Variants in DPP6 observed in about 807,000 individuals in gnomAD.
The protein encoded by DPP6 is dipeptidyl peptidase like 6.
Under a neutral mutation model 122.6 loss-of-function variants are expected in DPP6, and 69 were observed. The observed-to-expected ratio is 0.56, with a 90% CI of 0.46 to 0.69. DPP6 has a LOEUF of 0.69. Among genes scored for constraint, DPP6 ranks in the 30% least tolerant of loss-of-function variants. The probability of loss-of-function intolerance (pLI) is 0.00; values close to 1 mark genes in which losing one functional copy is unlikely to be tolerated. For missense variants in DPP6, 928 were observed against 1,116.9 expected, an observed-to-expected ratio of 0.83 and a Z score of 2.41; for synonymous variants, 418 against 433.1, an observed-to-expected ratio of 0.97 and a Z score of 0.43.
At chr7:153,949,289 A>G (rs1277010096) in intron 1 of DPP6, among the ~76,000 whole-genome samples, 4 of 152,242 alleles carry the variant, frequency 2.6e-5, no homozygotes, top group East Asian at 1.9e-4. Flanking sequence ...GCCTGGTAGC[A>G]TAGGCCCCGT....
At chr7:154,066,268 C>G (rs1345304106) in intron 1 of DPP6, among the ~76,000 whole-genome samples, 1 of 152,080 alleles carries the variant, frequency 6.6e-6, no homozygotes, top group Admixed American at 6.6e-5. Flanking sequence ...CTATGTTGGC[C>G]AGGCTGGTGT....
At chr7:154,158,203 G>A (rs3102258) in intron 1 of DPP6, among the ~76,000 whole-genome samples, 123,675 of 149,036 alleles carry the variant, frequency 0.83, 51,650 homozygotes, top group East Asian at 0.98. Flanking sequence ...TACAAAGACT[G>A]TTAATTTAGA....
chr7:154,538,103 G>A (rs1267348756), intron 3 of DPP6, among the ~76,000 whole-genome samples: 2 of 151,904 alleles, frequency 1.3e-5, no homozygotes, highest in Non-Finnish European at 2.9e-5. Context: ...ACTGTTAAAA[G>A]TACCGGAATG....
chr7:154,641,113 C>T (rs1836058052), intron 6 of DPP6, among the ~76,000 whole-genome samples: 1 of 152,166 alleles, frequency 6.6e-6, no homozygotes, highest in Non-Finnish European at 1.5e-5. Context: ...ACTCCCCAGT[C>T]CCCGCTGTTA....
At chr7:154,439,631 A>C (rs1819189549) in intron 1 of DPP6, among the ~76,000 whole-genome samples, 1 of 152,222 alleles carries the variant, frequency 6.6e-6, no homozygotes, top group Non-Finnish European at 1.5e-5. Flanking sequence ...ATTTGCAGGT[A>C]AAAATAATCA....
At chr7:154,289,558 T>C (rs904812062) in intron 1 of DPP6, among the ~76,000 whole-genome samples, 2 of 152,154 alleles carry the variant, frequency 1.3e-5, no homozygotes. Context: ...GTCAGGAATA[T>C]AGCAGTGAAC....
chr7:153,802,453 T>G, the DPP6 span, among the ~76,000 whole-genome samples: 1 of 152,148 alleles, frequency 6.6e-6, no homozygotes, highest in Non-Finnish European at 1.5e-5. Context: ...AAGAATTCTG[T>G]CTGTATTCCA....
chr7:154,181,168 T>A (rs1585568063), intron 1 of DPP6, among the ~76,000 whole-genome samples: 1 of 152,220 alleles, frequency 6.6e-6, no homozygotes, highest in Non-Finnish European at 1.5e-5. Flanking sequence ...TGCATTTCAA[T>A]GCCCAAACAC....
chr7:154,192,356 C>T (rs1180291681), intron 1 of DPP6, among the ~76,000 whole-genome samples: 2 of 152,226 alleles, frequency 1.3e-5, no homozygotes, highest in African/African-American at 4.8e-5. Context: ...AAATGTGATC[C>T]CTACTACAAT....
chr7:154,782,756 CTTGGGAGTTTGCATTTCT>C (rs1357451799), intron 10 of DPP6, among the ~76,000 whole-genome samples: 1 of 151,948 alleles, frequency 6.6e-6, no homozygotes, highest in African/African-American at 2.4e-5. Context: ...TAGGGTGAGG[CTTGGGAGTTTGCATTTCT>C]TTTTCTTTTT....
In DPP6 at chr7:154,121,573, T is replaced by C. The variant is rs574235246; in HGVS notation, c.243+68510T>C. Among the ~76,000 whole-genome samples the C allele has an allele frequency of 4.6e-5, 7 of 152,374 alleles. No individual in the cohort carries two copies. The East Asian group carries it at 1.2e-3, about 25-fold the overall frequency. ...GGTGTTTAATTTCCAAATATTCTTG[T>C]GTATTTTCCAGTTTTCCATCTGTTA... On this transcript the variant is annotated intron_variant, in intron 1 of 25. Transcript: ENST00000377770.
intron 8 of DPP6, among the ~76,000 whole-genome samples, chr7:154,754,179 G>A (rs1033231705): frequency 2.0e-5 from 3 of 152,152 alleles, no homozygotes; most frequent in African/African-American, 7.2e-5. Context: ...CAGGATTTTC[G>A]TTGAAACTGT....
the DPP6 span, among the ~76,000 whole-genome samples, chr7:153,841,621 C>T: frequency 1.3e-5 from 2 of 152,266 alleles, no homozygotes; most frequent in East Asian, 1.9e-4. Context: ...TGGTTTTGCC[C>T]ATATTTTAAA....
At chr7:154,221,877 A>C (rs958574428) in intron 1 of DPP6, among the ~76,000 whole-genome samples, 1 of 152,210 alleles carries the variant, frequency 6.6e-6, no homozygotes, top group African/African-American at 2.4e-5. Context: ...TTTAAATATA[A>C]CACTTTTGCA....
At chr7:154,190,665 C>T (rs1158852932) in intron 1 of DPP6, among the ~76,000 whole-genome samples, 7 of 152,106 alleles carry the variant, frequency 4.6e-5, no homozygotes, top group African/African-American at 7.2e-5. Flanking sequence ...CTATTGATTA[C>T]GCAGATGGAT....
chr7:154,673,775 G>A (rs906058220), intron 7 of DPP6, among the ~76,000 whole-genome samples: 3 of 152,118 alleles, frequency 2.0e-5, no homozygotes, highest in Non-Finnish European at 4.4e-5. Flanking sequence ...AAACATAAAC[G>A]TTCAAAACAT....
At chr7:153,925,325 G>C (rs1163489936) in intron 1 of DPP6, among the ~76,000 whole-genome samples, 1 of 151,974 alleles carries the variant, frequency 6.6e-6, no homozygotes, top group Non-Finnish European at 1.5e-5. Context: ...CCGAGGTTCT[G>C]ATGAAGAGAG....
At chr7:154,454,768 T>C (rs1820682376) in intron 2 of DPP6, among the ~76,000 whole-genome samples, 1 of 152,182 alleles carries the variant, frequency 6.6e-6, no homozygotes, top group South Asian at 2.1e-4. Context: ...ATCTTATCGT[T>C]GGAAGGAAAG....
At chr7:154,213,886 A>T (rs1371506942) in intron 1 of DPP6, among the ~76,000 whole-genome samples, 1 of 152,162 alleles carries the variant, frequency 6.6e-6, no homozygotes, top group African/African-American at 2.4e-5. Flanking sequence ...GAAGGAAGAC[A>T]ACTTCCCAGC....
Sources: allele counts gnomAD v4.1 joint callset (sites outside exome capture counted in the v4.1 genomes callset), GRCh38; gene constraint gnomAD v4.1.1; transcripts MANE v1.5; gene names NCBI Gene and HGNC (gene_info 2026-07-23, HGNC 2026-07-21).